ROBO2: variants seen among roughly 807,000 people sequenced by gnomAD.
ROBO2 encodes the protein roundabout homolog 2.
ROBO2 carries 53 observed loss-of-function variants against 160.8 expected under a neutral mutation model. The ratio of observed to expected loss-of-function variants is 0.33; its 90% CI spans 0.26 to 0.41. The LOEUF (loss-of-function observed/expected upper bound fraction) is 0.41. ROBO2 is among the 10% of genes least tolerant of loss of function. The pLI is 1.00. For synonymous variants in ROBO2, 664 were observed against 611.7 expected, an observed-to-expected ratio of 1.09 and a Z score of -1.26; for missense variants, 1,577 against 1,722.4, an observed-to-expected ratio of 0.92 and a Z score of 1.49.
At chr3:76,165,095 C>T (rs1412151782) in intron 2 of ROBO2, among the ~76,000 whole-genome samples, 1 of 152,106 alleles carries the variant, frequency 6.6e-6, no homozygotes, top group Non-Finnish European at 1.5e-5. Context: ...AGAGCTGAAG[C>T]TTTGAAGCCA....
chr3:76,075,527 A>C (rs1322127200), intron 2 of ROBO2, among the ~76,000 whole-genome samples: 1 of 150,636 alleles, frequency 6.6e-6, no homozygotes, highest in Non-Finnish European at 1.5e-5. Flanking sequence ...CAAAAAGCAT[A>C]GATGTGCTAT....
intron 2 of ROBO2, among the ~76,000 whole-genome samples, chr3:76,824,380 G>T (rs1006503787): frequency 6.6e-6 from 1 of 152,068 alleles, no homozygotes; most frequent in African/African-American, 2.4e-5. Context: ...TATAGGCGGG[G>T]GCCACAGTGC....
intron 2 of ROBO2, among the ~76,000 whole-genome samples, chr3:76,288,797 C>T (rs1047597053): frequency 4.6e-5 from 7 of 152,078 alleles, no homozygotes; most frequent in Middle Eastern, 3.2e-3. Context: ...CAGCTCTATC[C>T]GTGTTGCTGC....
chr3:76,135,416 G>A (rs1289720831), intron 2 of ROBO2, among the ~76,000 whole-genome samples: 2 of 152,012 alleles, frequency 1.3e-5, no homozygotes, highest in Non-Finnish European at 2.9e-5. Flanking sequence ...TAATGGTTGA[G>A]GATGATATTT....
chr3:76,444,359 G>A lies in ROBO2; in HGVS notation c.109+506757G>A, dbSNP rs532884701. On this transcript the variant is annotated intron_variant, in intron 2 of 26. Transcript: ENST00000487694. ...AAATCTAGTAATCACAAGATGTAAA[G>A]TAACTCATAATTCTAAATATTTTCC... Among the ~76,000 whole-genome samples the A allele has an allele frequency of 5.3e-5, 8 of 152,204 alleles. No homozygotes were observed. The South Asian group carries it at 1.7e-3, about 32-fold the overall frequency.
intron 4 of ROBO2, among the ~76,000 whole-genome samples, chr3:77,482,074 C>T (rs1196861746): frequency 6.6e-6 from 1 of 152,118 alleles, no homozygotes; most frequent in African/African-American, 2.4e-5. Flanking sequence ...TATAGACCCA[C>T]ACATGCACAC....
At chr3:77,205,302 G>A (rs1484363598) in intron 2 of ROBO2, among the ~76,000 whole-genome samples, 1 of 152,012 alleles carries the variant, frequency 6.6e-6, no homozygotes, top group Non-Finnish European at 1.5e-5. Context: ...GCAATGGACT[G>A]GGAAGATGAT....
At chr3:77,057,616 G>A (rs2065888672) in intron 1 of ROBO2, among the ~76,000 whole-genome samples, 1 of 124,574 alleles carries the variant, frequency 8.0e-6, no homozygotes, top group South Asian at 2.8e-4. Flanking sequence ...CTGTTGCCAG[G>A]CTGGAGTGCA....
intron 2 of ROBO2, among the ~76,000 whole-genome samples, chr3:76,539,335 C>T (rs1366512374): frequency 2.0e-5 from 3 of 149,076 alleles, no homozygotes; most frequent in Non-Finnish European, 4.4e-5. Context: ...CCGTTCAGCA[C>T]ATGTATCCCA....
At chr3:76,007,474 C>T (rs2066056281) in intron 2 of ROBO2, among the ~76,000 whole-genome samples, 1 of 152,032 alleles carries the variant, frequency 6.6e-6, no homozygotes, top group Admixed American at 6.6e-5. Context: ...CGAAAGTGTA[C>T]TTATGTTAAG....
In ROBO2 at chr3:76,691,658, T is replaced by C. The variant is rs79060903; in HGVS notation, c.110-406356T>C. Among the ~76,000 whole-genome samples, 266 of 152,132 alleles carry C rather than the reference T, an allele frequency of 1.7e-3. 2 individuals are homozygous for C. The highest frequency in any genetic ancestry group is 6.0e-3 in the African/African-American group (250 of 41,530). On this transcript the variant is annotated intron_variant, in intron 2 of 26. Coordinates refer to the ROBO2 transcript ENST00000487694. ...GTTGATACAATCCAAGGCATGGACA[T>C]AGGAGAGGATGGTTTAAAGTGAATG...
intron 7 of ROBO2, among the ~76,000 whole-genome samples, chr3:77,550,130 T>A (rs2092859644): frequency 6.6e-6 from 1 of 152,092 alleles, no homozygotes; most frequent in African/African-American, 2.4e-5. Flanking sequence ...AAAGTAATTT[T>A]GTTTTAAAAA....
At chr3:77,588,621 G>A in intron 16 of ROBO2, 130 bp from the exon 18 acceptor site, 1 of 858,192 alleles carries the variant, frequency 1.2e-6, no homozygotes, top group Non-Finnish European at 1.8e-6. Context: ...ATCAATACTT[G>A]TGATAGGCTC....
intron 2 of ROBO2, among the ~76,000 whole-genome samples, chr3:76,231,536 G>T (rs532116024): frequency 6.6e-6 from 1 of 152,042 alleles, no homozygotes; most frequent in Non-Finnish European, 1.5e-5. Flanking sequence ...CCATTCATCT[G>T]TAGTTTCATT....
At chr3:77,452,030 T>C (rs571453442) in intron 2 of ROBO2, among the ~76,000 whole-genome samples, 4 of 152,280 alleles carry the variant, frequency 2.6e-5, no homozygotes, top group Admixed American at 6.5e-5. Flanking sequence ...TTTGGTTTTT[T>C]GTCCTTGGGA....
chr3:77,063,521 C>T (rs1342609209), intron 1 of ROBO2, among the ~76,000 whole-genome samples: 2 of 152,134 alleles, frequency 1.3e-5, no homozygotes, highest in Non-Finnish European at 2.9e-5. Flanking sequence ...CTCCTGACCT[C>T]TTCAATTCCC....
At chr3:76,217,467 A>G (rs1374405372) in intron 2 of ROBO2, among the ~76,000 whole-genome samples, 1 of 152,226 alleles carries the variant, frequency 6.6e-6, no homozygotes. Context: ...GCAATAAAAA[A>G]TGACAAAGGT....
Position 76,203,653 on chromosome 3 carries a change from C to T in ROBO2, c.109+266051C>T, listed in dbSNP as rs956824626. 2.5e-4 allele frequency among the ~76,000 whole-genome samples: 36 copies of T among 145,680 alleles called. 1 individual carries two copies. The highest frequency in any genetic ancestry group is 9.3e-4 in the African/African-American group (34 of 36,622). On this transcript the variant is annotated intron_variant, in intron 2 of 26. Transcript: ENST00000487694. ...CCTGTGTGAGATTGCCTCAGGCTAT[C>T]GGCTTCCCGGTCAACAGATCACAGG...
intron 2 of ROBO2, among the ~76,000 whole-genome samples, chr3:77,291,315 A>T (rs1365237539): frequency 6.6e-6 from 1 of 152,132 alleles, no homozygotes; most frequent in Non-Finnish European, 1.5e-5. Flanking sequence ...TTAACCGGGA[A>T]GGCTGAGGCT....
Sources: allele counts gnomAD v4.1 joint callset (sites outside exome capture counted in the v4.1 genomes callset), GRCh38; gene constraint gnomAD v4.1.1; transcripts MANE v1.5; gene names NCBI Gene and HGNC (gene_info 2026-07-23, HGNC 2026-07-21).